Variants in MON2 observed in about 807,000 individuals in gnomAD.
MON2 encodes MON2 regulator of endosome-to-Golgi trafficking, also known as protein MON2 homolog.
A neutral mutation model predicts 208.6 loss-of-function variants in MON2; 84 were observed. That is an observed-to-expected ratio of 0.40 (90% confidence interval 0.34 to 0.48). The LOEUF (loss-of-function observed/expected upper bound fraction) is 0.48, where lower values mean the gene tolerates loss of function less well. MON2 is among the 20% of genes least tolerant of loss of function. The probability of loss-of-function intolerance (pLI) is 0.59; values close to 1 mark genes in which losing one functional copy is unlikely to be tolerated. For synonymous variants in MON2, 660 were observed against 694.0 expected (o/e 0.95, Z 0.77); for missense variants, 1,611 against 2,015.4 (o/e 0.80, Z 3.84).
At chr12:62,470,934 C>A (rs2068760005) in intron 1 of MON2, among the ~76,000 whole-genome samples, 1 of 152,054 alleles carries the variant, frequency 6.6e-6, no homozygotes, top group Non-Finnish European at 1.5e-5. Context: ...GCAAAGAGAG[C>A]AAAGTTTAAA....
In MON2 at chr12:62,525,186, C is replaced by A. The variant is rs777685810; in HGVS notation, c.1212C>A (p.Pro404=). 2 of 1,613,168 alleles carry A rather than the reference C, an allele frequency of 1.2e-6. No individual in the cohort carries two copies. The highest frequency in any genetic ancestry group is 1.7e-5 in the Admixed American group (1 of 59,960). Residue 404 remains proline (P), a synonymous_variant, in exon 10 of 35, where the codon CCC becomes CCA. Transcript: ENST00000393630. The part of the protein sequence containing the change: ...GSFIQSLFLV[P]PTGNPATSNQ... ...TTATACAGTCCTTGTTTCTTGTCCC[C>A]CCTACTGGAAATCCTGCAACAAGCA...
chr12:62,535,475 A>G (rs745621235), intron 13 of MON2, 50 bp from the exon 14 acceptor site: 3 of 1,328,530 alleles, frequency 2.3e-6, no homozygotes, highest in African/African-American at 3.0e-5. Context: ...ATGCTTTACA[A>G]TGTAATTAAA....
chr12:62,501,374 A>G (rs1255549147), intron 6 of MON2, among the ~76,000 whole-genome samples, 199 bp from the exon 7 acceptor site: 1 of 152,204 alleles, frequency 6.6e-6, no homozygotes, highest in Non-Finnish European at 1.5e-5. Context: ...GTCAGTAGTT[A>G]TATGATTCTT....
At chr12:62,569,386 A>G (rs991172260) in intron 29 of MON2, among the ~76,000 whole-genome samples, 1 of 152,200 alleles carries the variant, frequency 6.6e-6, no homozygotes, top group Non-Finnish European at 1.5e-5. Context: ...AAATTCAAAG[A>G]TAGAGGAAGG....
At chr12:62,585,216 C>A in intron 32 of MON2, 78 bp from the exon 33 acceptor site, 1 of 1,122,504 alleles carries the variant, frequency 8.9e-7, no homozygotes, top group Non-Finnish European at 1.3e-6. Flanking sequence ...CTCTCTATTC[C>A]TAGTTTGCTA....
chr12:62,498,552 A>G (rs1265921608), intron 4 of MON2, among the ~76,000 whole-genome samples: 1 of 152,172 alleles, frequency 6.6e-6, no homozygotes, highest in East Asian at 1.9e-4. Flanking sequence ...AAGTTTCATA[A>G]TTTTATTTAT....
intron 7 of MON2, among the ~76,000 whole-genome samples, chr12:62,507,838 G>A (rs938470855): frequency 1.3e-5 from 2 of 152,102 alleles, no homozygotes; most frequent in Middle Eastern, 3.4e-3. Flanking sequence ...GCATGATCAC[G>A]GCTAACTGCA....
intron 7 of MON2, among the ~76,000 whole-genome samples, chr12:62,502,121 G>T (rs2070867149): frequency 6.6e-6 from 1 of 152,158 alleles, no homozygotes; most frequent in Non-Finnish European, 1.5e-5. Flanking sequence ...TCGGGAGGCT[G>T]AGGCAGGAGA....
intron 2 of MON2, among the ~76,000 whole-genome samples, chr12:62,486,064 T>C (rs2069771802): frequency 6.6e-6 from 1 of 152,120 alleles, no homozygotes; most frequent in Non-Finnish European, 1.5e-5. Flanking sequence ...GAAATTGGTG[T>C]TTAAAGAAAA....
chr12:62,469,012 G>A (rs1168999741), intron 1 of MON2, among the ~76,000 whole-genome samples: 1 of 151,886 alleles, frequency 6.6e-6, no homozygotes, highest in African/African-American at 2.4e-5. Flanking sequence ...GCAGTGGTGC[G>A]ATCTGCAACC....
At chr12:62,483,701 A>T (rs187467320) in intron 1 of MON2, among the ~76,000 whole-genome samples, 8 of 152,244 alleles carry the variant, frequency 5.3e-5, no homozygotes, top group Admixed American at 5.2e-4. Flanking sequence ...GGGCAACAAG[A>T]GCAAAAAACT....
chr12:62,510,008 G>A (rs1482736205), intron 8 of MON2, among the ~76,000 whole-genome samples: 2 of 151,472 alleles, frequency 1.3e-5, no homozygotes, highest in Non-Finnish European at 2.9e-5. Flanking sequence ...GAAATTTAAA[G>A]GATCATAAAA....
chr12:62,491,727 T>C (rs1307171004), intron 2 of MON2, among the ~76,000 whole-genome samples: 3 of 152,168 alleles, frequency 2.0e-5, no homozygotes, highest in African/African-American at 7.2e-5. Context: ...GTAAACTCTC[T>C]AAGATTATTG....
chr12:62,492,396 G>A (rs1176540304), intron 2 of MON2, among the ~76,000 whole-genome samples: 70 of 115,882 alleles, frequency 6.0e-4, no homozygotes, highest in African/African-American at 2.3e-3. Flanking sequence ...ACGGAGTCTC[G>A]CTCTGTCGCC....
intron 8 of MON2, among the ~76,000 whole-genome samples, chr12:62,513,842 G>T (rs61919476): frequency 6.9e-6 from 1 of 144,344 alleles, no homozygotes; most frequent in Non-Finnish European, 1.5e-5. Context: ...CCCAGCTACT[G>T]GGGAGGCTGA....
chr12:62,584,705 C>CA (rs1226172058), intron 32 of MON2, among the ~76,000 whole-genome samples: 20,730 of 71,626 alleles, frequency 0.29, 2,974 homozygotes, highest in South Asian at 0.33. Context: ...TCTGTCTCAA[C>CA]AAAAAAAAAA....
At chr12:62,580,028 G>C (rs1240824741) in intron 31 of MON2, among the ~76,000 whole-genome samples, 1 of 152,140 alleles carries the variant, frequency 6.6e-6, no homozygotes, top group African/African-American at 2.4e-5. Flanking sequence ...CCTATTTGCA[G>C]TTATCATGCT....
intron 8 of MON2, among the ~76,000 whole-genome samples, chr12:62,524,000 AG>A (rs1442351152): frequency 1.3e-5 from 2 of 152,172 alleles, no homozygotes; most frequent in African/African-American, 4.8e-5. Flanking sequence ...TTAGCAGTAC[AG>A]GCCCTGTTCT....
chr12:62,577,937 T>C (rs1390586465), intron 30 of MON2, among the ~76,000 whole-genome samples: 2 of 152,168 alleles, frequency 1.3e-5, no homozygotes, highest in African/African-American at 2.4e-5. Flanking sequence ...AATTTTCTGC[T>C]TTAGAAAATC....
Sources: gnomAD v4.1 joint callset for allele counts (sites outside exome capture counted in the v4.1 genomes callset) on GRCh38, gnomAD v4.1.1 for gene constraint, MANE v1.5 for transcripts, NCBI Gene and HGNC (gene_info 2026-07-23, HGNC 2026-07-21) for gene names.